Variants in HMCN1 observed in about 807,000 individuals in gnomAD.
The protein encoded by HMCN1 is hemicentin 1.
A neutral mutation model predicts 625.9 loss-of-function variants in HMCN1; 321 were observed. The ratio of observed to expected loss-of-function variants is 0.51; its 90% CI spans 0.47 to 0.56. The LOEUF (loss-of-function observed/expected upper bound fraction) is 0.56. Among genes scored for constraint, HMCN1 ranks in the 20% least tolerant of loss-of-function variants. The probability of loss-of-function intolerance (pLI) is 0.00; values close to 1 mark genes in which losing one functional copy is unlikely to be tolerated. For synonymous variants in HMCN1, 2,425 were observed against 2,417.6 expected, an observed-to-expected ratio of 1.00 and a Z score of -0.09; for missense variants, 6,588 against 6,887.3, an observed-to-expected ratio of 0.96 and a Z score of 1.54.
Position 186,186,994 on chromosome 1 carries a change from T to TCACACACACACACA in HMCN1, c.16415-859_16415-846dup, listed in dbSNP as rs371455899. Among the ~76,000 whole-genome samples, 607 of 134,560 alleles carry TCACACACACACACA rather than the reference T, an allele frequency of 4.5e-3. 2 individuals are homozygous for TCACACACACACACA. The highest frequency in any genetic ancestry group is 0.011 in the East Asian group (45 of 4,264). 88.3% of individuals were successfully genotyped at this position (134,560 alleles called of 152,430 possible). ...CAATCTCACATTCTCTGTCTCTGTC[T>TCACACACACACACA]CACACACACACACACACACACACAC... On this transcript the variant is annotated intron_variant, in intron 105 of 106. Transcript: ENST00000271588.
At chr1:186,055,289 T>C in intron 44 of HMCN1, 104 bp from the exon 45 acceptor site, 2 of 1,054,502 alleles carry the variant, frequency 1.9e-6, no homozygotes, top group Non-Finnish European at 2.8e-6. Flanking sequence ...TTATTTATAT[T>C]TTAACATAAA....
chr1:185,889,587 G>C (rs1384258115), intron 4 of HMCN1, among the ~76,000 whole-genome samples: 1 of 134,512 alleles, frequency 7.4e-6, no homozygotes, highest in Non-Finnish European at 1.5e-5. Flanking sequence ...TTTGTCTTTG[G>C]CTCTGTTTAT....
chr1:186,100,543 C>T (rs542765275), intron 68 of HMCN1, among the ~76,000 whole-genome samples: 5 of 152,164 alleles, frequency 3.3e-5, no homozygotes, highest in African/African-American at 1.2e-4. Context: ...AAGAAGTCTG[C>T]TTTTTATCCT....
chr1:185,916,112 A>G (rs1666687383), intron 6 of HMCN1, among the ~76,000 whole-genome samples: 1 of 151,888 alleles, frequency 6.6e-6, no homozygotes, highest in East Asian at 1.9e-4. Flanking sequence ...TATGTTTTGG[A>G]TACATTTCCT....
In HMCN1 at chr1:186,000,218, A is replaced by G. The variant is rs1653084443; in HGVS notation, c.4048A>G (p.Lys1350Glu). Residue 1350 changes from lysine (K) to glutamate (E), a missense_variant, in exon 26 of 107, where the codon AAA becomes GAA. This residue lies in a region of HMCN1 where 4,628 missense variants were observed against 4,853.1 expected (regional missense o/e 0.95). Coordinates refer to ENST00000271588, the MANE Select transcript of HMCN1 (RefSeq NM_031935.3). ...CAATGAAGCTGGAACCACAGAAAGAAAATATAACCTCAAAGTCCATGGTAA... is the reference window on the plus strand; with the variant it reads ...CAATGAAGCTGGAACCACAGAAAGAGAATATAACCTCAAAGTCCATGGTAA... ...AVNEAGTTER[K>E]YNLKVHVPPV... is the part of the protein sequence containing the mutation. 6.2e-7 allele frequency: 1 copy of G among 1,612,858 alleles called. No homozygotes were observed. The highest frequency in any genetic ancestry group is 1.3e-5 in the African/African-American group (1 of 74,972).
intron 11 of HMCN1, among the ~76,000 whole-genome samples, chr1:185,949,006 A>G (rs1249779208): frequency 8.6e-5 from 13 of 151,768 alleles, no homozygotes; most frequent in Non-Finnish European, 1.9e-4. Flanking sequence ...TGAATTGAGA[A>G]ACTAAATGGA....
intron 14 of HMCN1, 65 bp from the exon 15 acceptor site, chr1:185,970,270 C>A: frequency 1.4e-6 from 2 of 1,451,660 alleles, no homozygotes; most frequent in Non-Finnish European, 1.9e-6. Flanking sequence ...TGAAATTAAA[C>A]CAATAGCTGC....
chr1:186,037,229 T>G (rs1388713916), intron 36 of HMCN1, among the ~76,000 whole-genome samples: 1 of 152,152 alleles, frequency 6.6e-6, no homozygotes. Flanking sequence ...TTTAGTTCAC[T>G]TGTAATTTTT....
chr1:185,950,035 C>T (rs1307486308), intron 11 of HMCN1, among the ~76,000 whole-genome samples: 1 of 151,782 alleles, frequency 6.6e-6, no homozygotes, highest in Non-Finnish European at 1.5e-5. Context: ...CCTGGTGGAA[C>T]TGCCATCAAT....
chr1:185,821,146 T>C (rs1557994724), intron 1 of HMCN1, among the ~76,000 whole-genome samples: 1 of 152,044 alleles, frequency 6.6e-6, no homozygotes, highest in Non-Finnish European at 1.5e-5. Context: ...TTGAGATAAG[T>C]CAATAAGAGC....
chr1:186,187,831 G>C, intron 105 of HMCN1, 52 bp from the exon 106 acceptor site: 1 of 1,611,468 alleles, frequency 6.2e-7, no homozygotes, highest in Non-Finnish European at 8.5e-7. Flanking sequence ...TGCTCTGATG[G>C]CCTTCTCTCA....
At chr1:186,139,597 G>GTTT (rs74329100) in intron 89 of HMCN1, among the ~76,000 whole-genome samples, 2 of 130,438 alleles carry the variant, frequency 1.5e-5, no homozygotes, top group South Asian at 4.9e-4. Flanking sequence ...CTATTGGCTT[G>GTTT]TTTTTTTTTT....
chr1:186,057,366 C>T lies in HMCN1; in HGVS notation c.7277C>T (p.Pro2426Leu). 1.2e-6 allele frequency: 2 copies of T among 1,610,814 alleles called. No homozygotes were observed. ...PSITWFKDGW[P>L]VSLSNSVRIL... ...ATAACCTGGTTCAAAGATGGGTGGC[C>T]TGTCAGCCTTAGCAATTCTGTGAGG... is the stretch of plus-strand genomic sequence containing the variant. Residue 2426 changes from proline to leucine, a missense_variant, in exon 46 of 107, where the codon CCT becomes CTT. Physicochemically the swap from Pro to Leu is moderately conservative, Grantham distance 98 (BLOSUM62 -3). Coordinates refer to ENST00000271588, the MANE Select transcript of HMCN1 (RefSeq NM_031935.3).
At chr1:186,004,921 C>T (rs1161484688) in intron 29 of HMCN1, among the ~76,000 whole-genome samples, 3 of 151,902 alleles carry the variant, frequency 2.0e-5, no homozygotes, top group African/African-American at 4.8e-5. Context: ...CACTGCTCAC[C>T]AATTAAAAAG....
chr1:185,825,185 A>T (rs1015784690), intron 1 of HMCN1, among the ~76,000 whole-genome samples: 1 of 152,158 alleles, frequency 6.6e-6, no homozygotes, highest in African/African-American at 2.4e-5. Context: ...GAGGAGGGGT[A>T]CTTCCAAGTG....
At chr1:186,076,689 G>A (rs1260963460) in intron 54 of HMCN1, 67 bp downstream of exon 54, 1 of 1,492,164 alleles carries the variant, frequency 6.7e-7, no homozygotes, top group Non-Finnish European at 9.3e-7. Flanking sequence ...TCATGTATTA[G>A]ACGAATTGAA....
intron 105 of HMCN1, among the ~76,000 whole-genome samples, chr1:186,185,482 A>T (rs1653237266): frequency 6.6e-6 from 1 of 152,238 alleles, no homozygotes; most frequent in Non-Finnish European, 1.5e-5. Flanking sequence ...CTTCACTGAA[A>T]AAGTTTGTCC....
chr1:185,746,243 GT>G (rs1297825354), intron 1 of HMCN1, among the ~76,000 whole-genome samples: 1 of 152,170 alleles, frequency 6.6e-6, no homozygotes, highest in Non-Finnish European at 1.5e-5. Context: ...CTGATGTTTG[GT>G]TTGGAAGTCT....
chr1:185,991,329 A>G (rs1401558607), intron 22 of HMCN1, among the ~76,000 whole-genome samples: 1 of 152,202 alleles, frequency 6.6e-6, no homozygotes, highest in Non-Finnish European at 1.5e-5. Flanking sequence ...TGAAAAAAAT[A>G]TTTGTTTTGA....
Sources: allele counts gnomAD v4.1 joint callset (sites outside exome capture counted in the v4.1 genomes callset), GRCh38; gene constraint gnomAD v4.1.1; regional missense constraint gnomAD v4.1.1; transcripts MANE v1.5; gene names NCBI Gene and HGNC (gene_info 2026-07-23, HGNC 2026-07-21).